CDH20: variants seen among roughly 807,000 people sequenced by gnomAD.
CDH20 encodes cadherin 20, also known as cadherin-20.
In CDH20, 29 loss-of-function variants were observed where a neutral mutation model predicts 74.2. The ratio of observed to expected loss-of-function variants is 0.39; its 90% CI spans 0.29 to 0.53. The LOEUF (loss-of-function observed/expected upper bound fraction) is 0.53. Among genes scored for constraint, CDH20 ranks in the 20% least tolerant of loss-of-function variants. The probability of loss-of-function intolerance (pLI) is 0.69; values close to 1 mark genes in which losing one functional copy is unlikely to be tolerated. For synonymous variants in CDH20, 469 were observed against 405.4 expected (o/e 1.16, Z -1.88); for missense variants, 988 against 1,048.3 (o/e 0.94, Z 0.79).
chr18:61,516,277 A>G (rs1330084627), intron 6 of CDH20, among the ~76,000 whole-genome samples: 2 of 152,306 alleles, frequency 1.3e-5, no homozygotes, highest in East Asian at 1.9e-4. Context: ...CAATGTAACA[A>G]TTTTTTTAGG....
At position 61,514,347 on chromosome 18, in the gene CDH20, T is replaced by C. The variant is rs367722464; in HGVS notation, c.1017+6787T>C. Among the ~76,000 whole-genome samples, 32 of 152,356 alleles carry C rather than the reference T, an allele frequency of 2.1e-4. 1 individual carries two copies. The East Asian group carries it at 5.4e-3, about 26-fold the overall frequency. On this transcript the variant is annotated intron_variant, in intron 6 of 11. Coordinates refer to ENST00000262717, the MANE Select transcript of CDH20 (RefSeq NM_031891.4). ...AGTTCACGAGCCTTGGTTTTCAGCT[T>C]CATCAGCTCCTTTAAGCACTTCTCT...
At chr18:61,527,407 A>ATAGATAGATAGATAGATAGATAGC (rs1555683379) in intron 6 of CDH20, among the ~76,000 whole-genome samples, 1 of 150,960 alleles carries the variant, frequency 6.6e-6, no homozygotes, top group Non-Finnish European at 1.5e-5. Context: ...AGATAGATAG[A>ATAGATAGATAGATAGATAGATAGC]TAGATAGAAT....
At chr18:61,409,393 G>A (rs901229823) in intron 1 of CDH20, among the ~76,000 whole-genome samples, 3 of 152,082 alleles carry the variant, frequency 2.0e-5, no homozygotes, top group African/African-American at 7.2e-5. Flanking sequence ...CCTTCAACAC[G>A]GTCCTGTGGC....
rs940554304 is a variant in CDH20 at position 61,555,682 on chromosome 18, A to T, written c.*987A>T. 2.7e-5 allele frequency: 26 copies of T among 970,104 alleles called. No homozygotes were observed. The highest frequency in any genetic ancestry group is 5.3e-4 in the Middle Eastern group (1 of 1,904). 60.1% of individuals were successfully genotyped at this position (970,104 alleles called of 1,614,324 possible). A position where few individuals can be genotyped will look rare whatever the true frequency, so the allele number is the denominator to read the frequency against. ...ATGGATGTAAGAAAATTACATGTAC[A>T]AGTTTTGTATATTTGTTAATAATTT... On this transcript the variant is annotated 3_prime_UTR_variant, in exon 12 of 12. Coordinates refer to ENST00000262717, the MANE Select transcript of CDH20 (RefSeq NM_031891.4).
At chr18:61,461,183 A>G (rs1909755159) in intron 1 of CDH20, among the ~76,000 whole-genome samples, 1 of 152,096 alleles carries the variant, frequency 6.6e-6, no homozygotes, top group Non-Finnish European at 1.5e-5. Flanking sequence ...TTTATTACTC[A>G]CGAGTATTCT....
chr18:61,472,183 C>A (rs942073938), intron 1 of CDH20, among the ~76,000 whole-genome samples: 1 of 152,054 alleles, frequency 6.6e-6, no homozygotes, highest in Non-Finnish European at 1.5e-5. Context: ...CACCCCCATA[C>A]ATCATTTGCT....
chr18:61,499,278 TGG>T lies in CDH20; in HGVS notation c.340_341del (p.Gly114ArgfsTer46), dbSNP rs1568165279. On this transcript the variant is annotated frameshift_variant, in exon 3 of 12. Coordinates refer to ENST00000262717, the MANE Select transcript of CDH20 (RefSeq NM_031891.4). LOFTEE classifies it high-confidence loss of function. ...GIVFTIDDTT[G>X]DIHAIQRLDR... ...TCGTGTTTACCATCGACGACACCAC[TGG>T]AGACATCCACGCCATTCAGAGGCTC... The T allele has an allele frequency of 6.2e-7, 1 of 1,613,974 alleles. No homozygotes were observed.
intron 9 of CDH20, 33 bp from the exon 10 acceptor site, chr18:61,544,994 T>C (rs776327506): frequency 6.8e-7 from 1 of 1,461,086 alleles, no homozygotes; most frequent in South Asian, 1.1e-5. Flanking sequence ...TTCCTTTGGC[T>C]CCAACTCACC....
chr18:61,458,498 G>A (rs1017115604), intron 1 of CDH20, among the ~76,000 whole-genome samples: 4 of 152,024 alleles, frequency 2.6e-5, no homozygotes, highest in Non-Finnish European at 5.9e-5. Context: ...CAAGCAGCTG[G>A]GTCTGAGTTC....
At chr18:61,427,946 C>T (rs144022207) in intron 1 of CDH20, among the ~76,000 whole-genome samples, 290 of 152,318 alleles carry the variant, frequency 1.9e-3, no homozygotes, top group South Asian at 0.01. Context: ...CAAGCATTTG[C>T]TGAGCACATA....
At chr18:61,372,912 G>A (rs1474970783) in intron 1 of CDH20, among the ~76,000 whole-genome samples, 8 of 152,136 alleles carry the variant, frequency 5.3e-5, no homozygotes, top group African/African-American at 1.4e-4. Flanking sequence ...CATGATAATC[G>A]TATGACAAAG....
chr18:61,548,689 C>T (rs963169650), intron 10 of CDH20, among the ~76,000 whole-genome samples: 12 of 152,224 alleles, frequency 7.9e-5, no homozygotes, highest in African/African-American at 2.9e-4. Flanking sequence ...CTGAGCTCAG[C>T]GTCCCAGGCC....
At chr18:61,392,842 A>G (rs1599055028) in intron 1 of CDH20, among the ~76,000 whole-genome samples, 1 of 151,908 alleles carries the variant, frequency 6.6e-6, no homozygotes, top group South Asian at 2.1e-4. Context: ...CCATGAAAGC[A>G]GCAAGGTATT....
At chr18:61,460,609 T>C (rs1332852089) in intron 1 of CDH20, among the ~76,000 whole-genome samples, 2 of 152,144 alleles carry the variant, frequency 1.3e-5, no homozygotes, top group Non-Finnish European at 2.9e-5. Flanking sequence ...GTCATACGCA[T>C]GACAGACACC....
At chr18:61,525,368 G>A (rs895116633) in intron 6 of CDH20, among the ~76,000 whole-genome samples, 9 of 152,130 alleles carry the variant, frequency 5.9e-5, no homozygotes, top group Middle Eastern at 3.4e-3. Context: ...CACAAACAAC[G>A]GTGTCCACAA....
At chr18:61,466,406 G>A (rs994740157) in intron 1 of CDH20, among the ~76,000 whole-genome samples, 13 of 152,050 alleles carry the variant, frequency 8.5e-5, no homozygotes, top group African/African-American at 2.9e-4. Context: ...CTTTAAAAAT[G>A]AGTATTCAAA....
chr18:61,526,008 A>G (rs374391268), intron 6 of CDH20, among the ~76,000 whole-genome samples: 22 of 115,084 alleles, frequency 1.9e-4, no homozygotes, highest in African/African-American at 6.0e-4. Flanking sequence ...TGTAGGTCTC[A>G]TTAGGTTGTC....
intron 1 of CDH20, among the ~76,000 whole-genome samples, chr18:61,395,191 A>G (rs1252702721): frequency 6.6e-6 from 1 of 152,162 alleles, no homozygotes; most frequent in Non-Finnish European, 1.5e-5. Flanking sequence ...AGTGGTAAAG[A>G]ATGCAGGCTC....
intron 1 of CDH20, among the ~76,000 whole-genome samples, chr18:61,412,507 C>T (rs1361232446): frequency 6.6e-6 from 1 of 151,790 alleles, no homozygotes; most frequent in Non-Finnish European, 1.5e-5. Context: ...GATACATGTC[C>T]AAAAAAGATT....
Sources: allele counts gnomAD v4.1 joint callset (sites outside exome capture counted in the v4.1 genomes callset), GRCh38; gene constraint gnomAD v4.1.1; transcripts MANE v1.5; gene names NCBI Gene and HGNC (gene_info 2026-07-23, HGNC 2026-07-21).